Variants in VRK2 observed in about 807,000 individuals in gnomAD.
VRK2 encodes the protein VRK serine/threonine kinase 2.
A neutral mutation model predicts 57.6 loss-of-function variants in VRK2; 60 were observed. The observed-to-expected ratio is 1.04, with a 90% CI of 0.85 to 1.29. VRK2 has a LOEUF of 1.29. Among genes scored for constraint, VRK2 ranks in the 50% most tolerant of loss-of-function variants. The probability of loss-of-function intolerance (pLI) is 0.00; values close to 1 mark genes in which losing one functional copy is unlikely to be tolerated. For synonymous variants in VRK2, 231 were observed against 199.2 expected (o/e 1.16, Z -1.35); for missense variants, 705 against 588.1 (o/e 1.20, Z -2.06).
At chr2:58,116,815 A>G (rs1413069741) in intron 7 of VRK2, among the ~76,000 whole-genome samples, 1 of 152,208 alleles carries the variant, frequency 6.6e-6, no homozygotes, top group African/African-American at 2.4e-5. Context: ...GACACGGCTT[A>G]GGAGGAATCC....
chr2:57,928,319 A>G (rs765215653), intron 1 of VRK2, among the ~76,000 whole-genome samples: 1 of 151,986 alleles, frequency 6.6e-6, no homozygotes, highest in Non-Finnish European at 1.5e-5. Context: ...CCTGCTGTTA[A>G]AAGACTCTGA....
intron 7 of VRK2, among the ~76,000 whole-genome samples, chr2:58,095,330 A>G (rs372023139): frequency 2.6e-5 from 4 of 151,402 alleles, no homozygotes; most frequent in East Asian, 3.9e-4. Context: ...TGGCATTTTC[A>G]TTGAAATTAT....
At chr2:58,066,902 T>C (rs1269352710) in intron 2 of VRK2, among the ~76,000 whole-genome samples, 3 of 152,174 alleles carry the variant, frequency 2.0e-5, no homozygotes, top group Non-Finnish European at 4.4e-5. Context: ...TATCCCTGGA[T>C]ATGTCTGTGA....
intron 7 of VRK2, among the ~76,000 whole-genome samples, chr2:58,110,513 T>C (rs1675401250): frequency 6.6e-6 from 1 of 152,230 alleles, no homozygotes; most frequent in South Asian, 2.1e-4. Flanking sequence ...TCACAGATGC[T>C]ACTGTGTTTT....
chr2:58,048,478 AATTT>A, intron 1 of VRK2: 1 of 1,071,794 alleles, frequency 9.3e-7, no homozygotes, highest in Non-Finnish European at 1.2e-6. Flanking sequence ...ATGTACATGA[AATTT>A]ATTTTCTTTC....
rs143490372 is a variant in VRK2 at position 58,117,773 on chromosome 2, C to T, written c.544-5328C>T. ...AGCGGCATTGCAGAAGAAAATAAGACGCTTAGATTTTAGGTCAGTGAAAGT... is the reference window on the plus strand; with the variant it reads ...AGCGGCATTGCAGAAGAAAATAAGATGCTTAGATTTTAGGTCAGTGAAAGT... On this transcript the variant is annotated intron_variant, in intron 7 of 12. Coordinates refer to ENST00000340157, the MANE Select transcript of VRK2 (RefSeq NM_006296.7). 5.6e-3 allele frequency among the ~76,000 whole-genome samples: 853 copies of T among 152,046 alleles called. 8 individuals carry two copies. The highest frequency in any genetic ancestry group is 9.2e-3 in the Non-Finnish European group (627 of 67,994).
chr2:58,156,579 G>GGTTTTT (rs1271440208), intron 12 of VRK2, among the ~76,000 whole-genome samples: 20 of 139,212 alleles, frequency 1.4e-4, no homozygotes, highest in African/African-American at 6.8e-4. Flanking sequence ...GGGTGGTGGT[G>GGTTTTT]TTTTTTTTGT....
At chr2:57,914,976 A>G (rs1670101539) in intron 1 of VRK2, among the ~76,000 whole-genome samples, 1 of 152,116 alleles carries the variant, frequency 6.6e-6, no homozygotes, top group African/African-American at 2.4e-5. Context: ...TTTACTGTTG[A>G]TTATTTTGAT....
chr2:57,956,534 T>C (rs1362223830), intron 1 of VRK2, among the ~76,000 whole-genome samples: 1 of 152,164 alleles, frequency 6.6e-6, no homozygotes, highest in Non-Finnish European at 1.5e-5. Flanking sequence ...ATTCTCTTAC[T>C]TTTTCTAGGT....
intron 2 of VRK2, among the ~76,000 whole-genome samples, chr2:58,049,809 A>G (rs1353560064): frequency 1.3e-5 from 2 of 152,218 alleles, no homozygotes; most frequent in East Asian, 1.9e-4. Context: ...TTCTCATCAC[A>G]TATTTCCAGA....
intron 2 of VRK2, among the ~76,000 whole-genome samples, chr2:58,052,431 C>T (rs1234681188): frequency 6.6e-6 from 1 of 151,940 alleles, no homozygotes; most frequent in East Asian, 1.9e-4. Context: ...TGGTGAAACC[C>T]CATCTCTACT....
chr2:57,982,621 C>T (rs1472298401), intron 1 of VRK2, among the ~76,000 whole-genome samples: 1 of 152,090 alleles, frequency 6.6e-6, no homozygotes, highest in Non-Finnish European at 1.5e-5. Flanking sequence ...ACAGGAGTGG[C>T]CAGTGGCAAG....
chr2:58,022,891 T>C (rs546439193), intron 1 of VRK2, among the ~76,000 whole-genome samples: 1 of 152,068 alleles, frequency 6.6e-6, no homozygotes, highest in African/African-American at 2.4e-5. Context: ...GAAAAAAATA[T>C]GAGGAAGTTT....
intron 1 of VRK2, among the ~76,000 whole-genome samples, chr2:57,976,481 C>T (rs928070598): frequency 3.3e-5 from 5 of 151,920 alleles, no homozygotes; most frequent in African/African-American, 4.8e-5. Context: ...AGCATTTTTT[C>T]GTATGCTTGT....
chr2:58,113,356 C>T (rs567581002), intron 7 of VRK2, among the ~76,000 whole-genome samples: 1 of 150,490 alleles, frequency 6.6e-6, no homozygotes, highest in South Asian at 2.1e-4. Context: ...TCTGGAAGAA[C>T]TTCCCTTAAT....
intron 8 of VRK2, among the ~76,000 whole-genome samples, chr2:58,130,076 G>C (rs924625334): frequency 2.0e-5 from 3 of 152,154 alleles, no homozygotes; most frequent in Non-Finnish European, 4.4e-5. Context: ...TAAATGACTT[G>C]TCATTACTTA....
At chr2:58,113,959 G>A (rs540772223) in intron 7 of VRK2, among the ~76,000 whole-genome samples, 6 of 152,220 alleles carry the variant, frequency 3.9e-5, no homozygotes, top group African/African-American at 1.4e-4. Context: ...GAGAATGGGC[G>A]ATGTTTCTCA....
chr2:58,086,073 A>C (rs996028164), intron 4 of VRK2, among the ~76,000 whole-genome samples: 1 of 151,144 alleles, frequency 6.6e-6, no homozygotes, highest in Non-Finnish European at 1.5e-5. Flanking sequence ...AATTCTTTTT[A>C]TAGATTGAAA....
At chr2:58,043,307 A>G (rs1192478524), upstream of VRK2, among the ~76,000 whole-genome samples, 1 of 152,152 alleles carries the variant, frequency 6.6e-6, no homozygotes, top group Non-Finnish European at 1.5e-5. Context: ...CTCTTTTGCC[A>G]TTCTTTTAAA....
Sources: gnomAD v4.1 joint callset for allele counts (sites outside exome capture counted in the v4.1 genomes callset) on GRCh38, gnomAD v4.1.1 for gene constraint, MANE v1.5 for transcripts, NCBI Gene and HGNC (gene_info 2026-07-23, HGNC 2026-07-21) for gene names.